Variants in RNF115 observed in about 807,000 individuals in gnomAD.
RNF115 encodes E3 ubiquitin-protein ligase RNF115.
Under a neutral mutation model 39.2 loss-of-function variants are expected in RNF115, and 31 were observed. That is an observed-to-expected ratio of 0.79 (90% confidence interval 0.59 to 1.07). The LOEUF (loss-of-function observed/expected upper bound fraction) is 1.07. Ranked by LOEUF, RNF115 falls within the 50% of genes least tolerant of loss-of-function variation. The probability of loss-of-function intolerance (pLI) is 0.00; values close to 1 mark genes in which losing one functional copy is unlikely to be tolerated. For synonymous variants in RNF115, 124 were observed against 131.0 expected (o/e 0.95, Z 0.37); for missense variants, 384 against 381.7 (o/e 1.01, Z -0.05).
chr1:145,799,296 G>C (rs911811606), intron 1 of RNF115, among the ~76,000 whole-genome samples: 1 of 152,098 alleles, frequency 6.6e-6, no homozygotes, highest in Non-Finnish European at 1.5e-5. Flanking sequence ...TCGATCTCTT[G>C]ACCTCGTGAT....
At chr1:145,786,463 CAG>C (rs370601851) in intron 2 of RNF115, among the ~76,000 whole-genome samples, 34 of 152,304 alleles carry the variant, frequency 2.2e-4, no homozygotes, top group East Asian at 9.6e-4. Flanking sequence ...TTTCAAACCA[CAG>C]AGTCTTTGTA....
chr1:145,784,476 T>A, intron 3 of RNF115, 63 bp downstream of exon 3: 2 of 1,403,086 alleles, frequency 1.4e-6, no homozygotes, highest in Non-Finnish European at 2.0e-6. Context: ...AAAGTTAGTA[T>A]CTGCCATGAT....
chr1:145,763,561 T>G (rs1450675977), intron 4 of RNF115, among the ~76,000 whole-genome samples: 3 of 152,046 alleles, frequency 2.0e-5, no homozygotes, highest in African/African-American at 7.2e-5. Context: ...TTTCCAGGCA[T>G]GGTGGCTCAT....
At chr1:145,781,186 GA>G (rs1236814838) in intron 3 of RNF115, among the ~76,000 whole-genome samples, 1 of 152,068 alleles carries the variant, frequency 6.6e-6, no homozygotes, top group African/African-American at 2.4e-5. Context: ...GATTTTGACA[GA>G]AATTTTCTTG....
chr1:145,779,253 C>A (rs587742031), intron 3 of RNF115, among the ~76,000 whole-genome samples: 2 of 151,856 alleles, frequency 1.3e-5, no homozygotes, highest in Admixed American at 6.6e-5. Flanking sequence ...CAGCTCACTG[C>A]AACCTCTGCC....
At chr1:145,812,625 A>G (rs1649782297) in intron 1 of RNF115, among the ~76,000 whole-genome samples, 1 of 151,294 alleles carries the variant, frequency 6.6e-6, no homozygotes, top group Non-Finnish European at 1.5e-5. Flanking sequence ...GCACCACTGC[A>G]CTCCAGCCTG....
At chr1:145,756,590 A>G (rs972412972) in intron 4 of RNF115, among the ~76,000 whole-genome samples, 1 of 152,188 alleles carries the variant, frequency 6.6e-6, no homozygotes, top group Admixed American at 6.5e-5. Context: ...ACAAACTACC[A>G]CAAACTGGGT....
chr1:145,751,212 ATGGAGG>A (rs2101462138), intron 6 of RNF115, among the ~76,000 whole-genome samples: 1 of 152,336 alleles, frequency 6.6e-6, no homozygotes, highest in Admixed American at 6.5e-5. Context: ...TTTTCTTCCT[ATGGAGG>A]TGAAACCATC....
chr1:145,767,815 A>G (rs374082187), intron 4 of RNF115, among the ~76,000 whole-genome samples: 26 of 152,378 alleles, frequency 1.7e-4, no homozygotes, highest in African/African-American at 6.0e-4. Flanking sequence ...CACCATAAAA[A>G]TACGAAAACC....
chr1:145,797,020 A>G (rs1016307066), intron 1 of RNF115, among the ~76,000 whole-genome samples: 11 of 152,192 alleles, frequency 7.2e-5, no homozygotes, highest in Admixed American at 2.0e-4. Flanking sequence ...GAAACCAACC[A>G]TCAGGTCTCC....
In RNF115 at chr1:145,776,729, G is replaced by A. The variant is rs891863126; in HGVS notation, c.220-4810C>T. Among the ~76,000 whole-genome samples, 17 of 151,866 alleles carry A rather than the reference G, an allele frequency of 1.1e-4. 1 individual carries two copies. The highest frequency in any genetic ancestry group is 5.2e-4 in the Admixed American group (8 of 15,256). ...AGCATGCCTGTAATCCCAGCTACTCGGGAAGCTGAGGCAGGAGAATTGCTT... is the reference window on the plus strand; with the variant it reads ...AGCATGCCTGTAATCCCAGCTACTCAGGAAGCTGAGGCAGGAGAATTGCTT... On this transcript the variant is annotated intron_variant, in intron 3 of 8. Transcript: ENST00000582693.
At chr1:145,774,922 G>A (rs142573037) in intron 3 of RNF115, among the ~76,000 whole-genome samples, 369 of 152,134 alleles carry the variant, frequency 2.4e-3, no homozygotes, top group African/African-American at 8.4e-3. Context: ...CAGAAAATTT[G>A]CTGAACTCTT....
intron 1 of RNF115, among the ~76,000 whole-genome samples, chr1:145,796,397 G>C (rs1648979232): frequency 1.3e-5 from 2 of 150,630 alleles, no homozygotes; most frequent in African/African-American, 4.9e-5. Flanking sequence ...ACATTTTGTG[G>C]TAGAAAATAC....
chr1:145,796,320 A>C (rs1343693018), intron 1 of RNF115, among the ~76,000 whole-genome samples: 1 of 152,200 alleles, frequency 6.6e-6, no homozygotes, highest in Admixed American at 6.5e-5. Context: ...AAATAAAATA[A>C]GATTGTTTAT....
intron 4 of RNF115, among the ~76,000 whole-genome samples, chr1:145,770,713 T>G (rs887233505): frequency 6.6e-6 from 1 of 152,176 alleles, no homozygotes; most frequent in African/African-American, 2.4e-5. Flanking sequence ...CACCTATTAC[T>G]TCACACAAAT....
At chr1:145,773,819 T>C (rs1263140875) in intron 3 of RNF115, 1 of 152,198 alleles carries the variant, frequency 6.6e-6, no homozygotes, top group East Asian at 1.9e-4. Context: ...TTTGGTTTTT[T>C]TGTTTGTTTT....
At chr1:145,788,644 T>C in intron 2 of RNF115, 2 of 593,792 alleles carry the variant, frequency 3.4e-6, no homozygotes, top group South Asian at 3.1e-5. Flanking sequence ...CAGATGTACA[T>C]GGAATGCCAC....
chr1:145,748,257 G>C, intron 7 of RNF115, 147 bp from the exon 8 acceptor site: 1 of 604,132 alleles, frequency 1.7e-6, no homozygotes, highest in Non-Finnish European at 3.0e-6. Context: ...AGGCAGCTAA[G>C]AGGCATGACT....
chr1:145,771,813 G>T lies in RNF115; in HGVS notation c.326C>A (p.Thr109Asn). 2 of 1,614,056 alleles carry T rather than the reference G, an allele frequency of 1.2e-6. No homozygotes were observed. The highest frequency in any genetic ancestry group is 1.7e-6 in the Non-Finnish European group (2 of 1,179,920). The change falls in exon 4 of 9, where the codon ACT (threonine) becomes AAT (asparagine). Residue 109 changes from threonine (T) to asparagine (N), a missense_variant. Transcript: ENST00000582693. ...DNRANERGHQ[T>N]HTDFWGARPP... is the part of the protein sequence containing the mutation. ...TCTTGCTCCCCAGAAGTCAGTGTGA[G>T]TCTGGTGACCCCTTTCATTGGCTCT...
Sources: gnomAD v4.1 joint callset for allele counts (sites outside exome capture counted in the v4.1 genomes callset) on GRCh38, gnomAD v4.1.1 for gene constraint, MANE v1.5 for transcripts, NCBI Gene and HGNC (gene_info 2026-07-23, HGNC 2026-07-21) for gene names.